MED6: variants seen among roughly 807,000 people sequenced by gnomAD.
MED6 encodes the protein mediator of RNA polymerase II transcription subunit 6.
Under a neutral mutation model 37.5 loss-of-function variants are expected in MED6, and 33 were observed. The ratio of observed to expected loss-of-function variants is 0.88; its 90% CI spans 0.67 to 1.18. The LOEUF is 1.18. Among genes scored for constraint, MED6 ranks in the 50% most tolerant of loss-of-function variants. MED6 has a pLI of 0.00. For missense variants in MED6, 235 were observed against 290.6 expected (o/e 0.81, Z 1.39); for synonymous variants, 94 against 93.6 (o/e 1.00, Z -0.02).
chr14:70,594,451 T>G (rs1884980493), intron 3 of MED6: 1 of 274,182 alleles, frequency 3.6e-6, no homozygotes, highest in African/African-American at 2.3e-5. Flanking sequence ...ACCATGCATT[T>G]TGTAAAAGAA....
intron 1 of MED6, 140 bp from the exon 2 acceptor site, chr14:70,597,917 G>A (rs942044618): frequency 3.5e-5 from 18 of 520,382 alleles, no homozygotes; most frequent in Admixed American, 2.6e-4. Context: ...CTCTCATGAT[G>A]TAACAGAAGA....
At chr14:70,586,804 C>T (rs75161376) in intron 6 of MED6, among the ~76,000 whole-genome samples, 7,838 of 152,174 alleles carry the variant, frequency 0.052, 261 homozygotes, top group Middle Eastern at 0.099. Context: ...TTAACAAGAC[C>T]AAAACTGAGC....
At chr14:70,591,617 T>C (rs1327306310) in intron 5 of MED6, 1 of 368,270 alleles carries the variant, frequency 2.7e-6, no homozygotes, top group Non-Finnish European at 4.9e-6. Context: ...CTTTTAAAGA[T>C]ACTTCAGTTT....
intron 7 of MED6, among the ~76,000 whole-genome samples, chr14:70,585,207 T>C (rs887278206): frequency 7.2e-5 from 11 of 152,232 alleles, no homozygotes; most frequent in Non-Finnish European, 1.5e-4. Flanking sequence ...ATAATTATTC[T>C]AACCCAGTAC....
At chr14:70,592,470 C>T (rs2139596339) in intron 5 of MED6, 2 of 152,616 alleles carry the variant, frequency 1.3e-5, no homozygotes, top group South Asian at 3.4e-4. Context: ...ACTGTCTCTC[C>T]TATGTTCCTT....
intron 1 of MED6, among the ~76,000 whole-genome samples, chr14:70,599,710 A>G (rs560616025): frequency 6.7e-6 from 1 of 150,314 alleles, no homozygotes; most frequent in South Asian, 2.1e-4. Flanking sequence ...TATAAGTAAA[A>G]CATTTTATAA....
At chr14:70,591,657 T>C (rs1884873777) in intron 5 of MED6, 1 of 238,222 alleles carries the variant, frequency 4.2e-6, no homozygotes, top group Non-Finnish European at 8.0e-6. Flanking sequence ...ACCGTAAGAG[T>C]TTTAAAGCTA....
chr14:70,595,590 G>T (rs1885020082), intron 3 of MED6: 4 of 732,026 alleles, frequency 5.5e-6, no homozygotes, highest in Middle Eastern at 3.6e-4. Context: ...GCTGGCACAG[G>T]CCGGGGCAGA....
In MED6 at chr14:70,597,753, A is replaced by T; in HGVS notation, c.47T>A (p.Val16Asp). ...IRDNLLGISW[V>D]DSSWIPILNS... The stretch of plus-strand genomic sequence containing the variant: ...CAAAATAGGGATCCAAGAGCTGTCA[A>T]CCCAAGAAATTCCCAGCAGATTGTC... The change falls in exon 2 of 8, where the codon GTT becomes GAT. Residue 16 changes from valine (V) to aspartate (D), a missense_variant. Transcript: ENST00000256379. The T allele has an allele frequency of 6.4e-7, 1 of 1,552,972 alleles. No homozygotes were observed. The highest frequency in any genetic ancestry group is 8.6e-7 in the Non-Finnish European group (1 of 1,162,170).
chr14:70,590,604 T>C (rs1323285423), intron 6 of MED6, among the ~76,000 whole-genome samples: 3 of 152,210 alleles, frequency 2.0e-5, no homozygotes, highest in Admixed American at 6.5e-5. Context: ...TGTATGTACA[T>C]TGTAAAGGTC....
chr14:70,596,729 G>A (rs760113886), intron 2 of MED6, 27 bp from the exon 3 acceptor site: 2 of 1,509,914 alleles, frequency 1.3e-6, no homozygotes, highest in Admixed American at 3.4e-5. Context: ...GACATCCAAA[G>A]ATCTATAAAC....
In MED6 at chr14:70,597,693, C is replaced by T; in HGVS notation, c.107G>A (p.Arg36Lys). 1 of 1,564,026 alleles carries T rather than the reference C, an allele frequency of 6.4e-7. No individual in the cohort carries two copies. Among genetic ancestry groups the T allele is most frequent in the African/African-American group, 1.4e-5 (1 of 71,786 alleles). The change falls in exon 2 of 8, where the codon AGA becomes AAA. Residue 36 changes from arginine to lysine, a missense_variant. Arg to Lys is a conservative substitution (Grantham distance 26). Coordinates refer to ENST00000256379, the MANE Select transcript of MED6 (RefSeq NM_005466.4). ...TGTTCTGTCATAAAAAGGATTACTT[C>T]TTTCTGAAAAGTAATCCAGGACACT... ...SGSVLDYFSE[R>K]SNPFYDRTCN... is the part of the protein sequence containing the mutation.
At chr14:70,591,650 G>C (rs78256382) in intron 5 of MED6, 1 of 254,978 alleles carries the variant, frequency 3.9e-6, no homozygotes, top group East Asian at 1.0e-4. Context: ...ACGCACAACC[G>C]TAAGAGTTTT....
At chr14:70,596,812 A>G in intron 2 of MED6, 110 bp from the exon 3 acceptor site, 1 of 758,846 alleles carries the variant, frequency 1.3e-6, no homozygotes. Flanking sequence ...TAGGATTAAA[A>G]CTGCCTATGT....
chr14:70,588,700 T>TAATAAC (rs1226057694), intron 6 of MED6, among the ~76,000 whole-genome samples: 1 of 71,074 alleles, frequency 1.4e-5, no homozygotes, highest in Non-Finnish European at 2.3e-5. Flanking sequence ...ATAATAATAA[T>TAATAAC]AATAATAATA....
rs7157685 is a variant in MED6 at position 70,595,127 on chromosome 14, G to C, written c.274+1484C>G. On this transcript the variant is annotated intron_variant, in intron 3 of 7. Coordinates refer to ENST00000256379, the MANE Select transcript of MED6 (RefSeq NM_005466.4). ...GGGCTCTGCAAGGTCAATGACACCA[G>C]TGTCACTCGGCTTCAGCTACAGAGA... The C allele has an allele frequency of 3.0e-5, 15 of 504,434 alleles. No homozygotes were observed. The East Asian group carries it at 6.4e-4, about 22-fold the overall frequency. The allele number at this position is 504,434 out of a possible 1,614,324, so 31.2% of individuals were successfully genotyped here. A position where few individuals can be genotyped will look rare whatever the true frequency, so the allele number is the denominator to read the frequency against.
intron 6 of MED6, among the ~76,000 whole-genome samples, chr14:70,590,768 A>G (rs1210613565): frequency 6.6e-6 from 1 of 152,222 alleles, no homozygotes; most frequent in East Asian, 1.9e-4. Flanking sequence ...TGGAATTCAT[A>G]TAACTTAAAA....
At chr14:70,598,474 CA>C (rs34441603) in intron 1 of MED6, among the ~76,000 whole-genome samples, 8 of 144,132 alleles carry the variant, frequency 5.6e-5, no homozygotes, top group East Asian at 4.0e-4. Context: ...GACTCCGTCT[CA>C]AAAAAAAAAG....
chr14:70,600,091 G>GA, intron 1 of MED6, among the ~76,000 whole-genome samples: 1 of 151,992 alleles, frequency 6.6e-6, no homozygotes, highest in Admixed American at 6.6e-5. Context: ...GTTCAGCTGT[G>GA]AAAAAAATAC....
Sources: allele counts gnomAD v4.1 joint callset (sites outside exome capture counted in the v4.1 genomes callset), GRCh38; gene constraint gnomAD v4.1.1; transcripts MANE v1.5; gene names NCBI Gene and HGNC (gene_info 2026-07-23, HGNC 2026-07-21).